ANKS1B: variants seen among roughly 807,000 people sequenced by gnomAD.
ANKS1B encodes ankyrin repeat and sterile alpha motif domain-containing protein 1B.
ANKS1B carries 36 observed loss-of-function variants against 148.3 expected under a neutral mutation model. The ratio of observed to expected loss-of-function variants is 0.24; its 90% CI spans 0.19 to 0.32. The LOEUF (loss-of-function observed/expected upper bound fraction) is 0.32, where lower values mean the gene tolerates loss of function less well. Among genes scored for constraint, ANKS1B ranks in the 10% least tolerant of loss-of-function variants. ANKS1B has a pLI of 1.00. For missense variants in ANKS1B, 1,157 were observed against 1,542.6 expected, an observed-to-expected ratio of 0.75 and a Z score of 4.19; for synonymous variants, 542 against 560.8, an observed-to-expected ratio of 0.97 and a Z score of 0.47.
At chr12:99,097,354 T>C (rs1385157697) in intron 15 of ANKS1B, 1 of 152,164 alleles carries the variant, frequency 6.6e-6, no homozygotes, top group Non-Finnish European at 1.5e-5. Context: ...GATTTGATTT[T>C]CATCCAGGAC....
intron 8 of ANKS1B, among the ~76,000 whole-genome samples, chr12:99,666,774 C>T (rs553094102): frequency 2.0e-4 from 31 of 151,856 alleles, no homozygotes; most frequent in African/African-American, 6.3e-4. Context: ...AGGTGTATGG[C>T]ATATTATTTT....
At chr12:98,894,597 G>A (rs1330900368) in intron 17 of ANKS1B, 3 of 985,068 alleles carry the variant, frequency 3.0e-6, no homozygotes, top group Admixed American at 6.1e-5. Flanking sequence ...AGCGGGGGCC[G>A]CGGAGCGAGG....
At chr12:99,115,595 C>G (rs1471253242) in intron 15 of ANKS1B, among the ~76,000 whole-genome samples, 1 of 150,272 alleles carries the variant, frequency 6.7e-6, no homozygotes, top group South Asian at 2.2e-4. Flanking sequence ...TGTAACAAAC[C>G]TGCATATGTA....
intron 9 of ANKS1B, among the ~76,000 whole-genome samples, chr12:99,543,110 T>C (rs923077198): frequency 1.3e-5 from 2 of 152,084 alleles, no homozygotes; most frequent in African/African-American, 4.8e-5. Flanking sequence ...TCAGACCATA[T>C]GAAGAACTCA....
chr12:98,963,866 G>A (rs374001526), intron 17 of ANKS1B, among the ~76,000 whole-genome samples: 9 of 152,072 alleles, frequency 5.9e-5, no homozygotes, highest in South Asian at 2.1e-4. Context: ...TTGGGAGGCC[G>A]AAGCAGGTGA....
At chr12:99,717,524 G>A (rs12304048) in intron 8 of ANKS1B, among the ~76,000 whole-genome samples, 100,671 of 151,830 alleles carry the variant, frequency 0.66, 33,450 homozygotes, top group Non-Finnish European at 0.69. Flanking sequence ...CTCCTAAGCC[G>A]CGTCCCATCT....
chr12:98,740,585 C>T (rs994980562), downstream of ANKS1B, among the ~76,000 whole-genome samples: 1 of 152,168 alleles, frequency 6.6e-6, no homozygotes, highest in Non-Finnish European at 1.5e-5. Flanking sequence ...TCAAGTGTCT[C>T]ACATGTGTGT....
intron 17 of ANKS1B, among the ~76,000 whole-genome samples, chr12:98,872,562 T>C (rs1225268518): frequency 6.6e-6 from 1 of 152,048 alleles, no homozygotes; most frequent in African/African-American, 2.4e-5. Flanking sequence ...AGAGAGCTAA[T>C]TAAGTTAACA....
rs1319728862 is a variant in ANKS1B at position 98,744,441 on chromosome 12, A to T, written c.*1298T>A. ...TATAATGAACTTCAAAATGATTCACAATATGATTGTTAGAACAATATACAT... is the reference window on the plus strand; with the variant it reads ...TATAATGAACTTCAAAATGATTCACTATATGATTGTTAGAACAATATACAT... On this transcript the variant is annotated 3_prime_UTR_variant, in exon 27 of 27. Coordinates refer to ENST00000683438, the MANE Select transcript of ANKS1B (RefSeq NM_001352186.2). 2.6e-6 allele frequency: 2 copies of T among 780,374 alleles called. No homozygotes were observed. The highest frequency in any genetic ancestry group is 2.5e-4 in the East Asian group (2 of 7,872). The allele number at this position is 780,374 out of a possible 1,614,324, so 48.3% of individuals were successfully genotyped here. A position where few individuals can be genotyped will look rare whatever the true frequency, so the allele number is the denominator to read the frequency against.
intron 1 of ANKS1B, among the ~76,000 whole-genome samples, chr12:99,947,721 A>C (rs2095105407): frequency 6.6e-6 from 1 of 152,168 alleles, no homozygotes; most frequent in East Asian, 1.9e-4. Flanking sequence ...TCAAGGTGTC[A>C]ACCAAACTGG....
chr12:99,481,324 T>C (rs1415883507), intron 10 of ANKS1B, among the ~76,000 whole-genome samples: 2 of 151,878 alleles, frequency 1.3e-5, no homozygotes, highest in South Asian at 2.1e-4. Context: ...TAATGGCCTC[T>C]AGCTTCATGC....
intron 8 of ANKS1B, among the ~76,000 whole-genome samples, chr12:99,659,019 A>G (rs1462817708): frequency 6.6e-6 from 1 of 152,214 alleles, no homozygotes; most frequent in Non-Finnish European, 1.5e-5. Context: ...TCATTTGACT[A>G]CCTAGAAAAT....
intron 12 of ANKS1B, among the ~76,000 whole-genome samples, chr12:99,363,526 T>G (rs564654702): frequency 1.3e-5 from 2 of 152,046 alleles, no homozygotes; most frequent in Non-Finnish European, 2.9e-5. Flanking sequence ...AGATGAAAAA[T>G]AGTCAGCATT....
At chr12:99,465,858 C>T (rs2096097240) in intron 10 of ANKS1B, among the ~76,000 whole-genome samples, 2 of 152,038 alleles carry the variant, frequency 1.3e-5, no homozygotes, top group South Asian at 4.2e-4. Context: ...ACTATAACAC[C>T]CCACTGTCAA....
rs374976085 is a variant in ANKS1B at position 99,975,777 on chromosome 12, G to A, written c.134+8327C>T. On this transcript the variant is annotated intron_variant, in intron 1 of 26. Coordinates refer to ENST00000683438, the MANE Select transcript of ANKS1B (RefSeq NM_001352186.2). ...CCCATTCTGTAGGTTGTCTGTCAGT[G>A]TGGAAGGTAGTACAGAGATTTCTCA... Among the ~76,000 whole-genome samples the A allele has an allele frequency of 6.6e-5, 10 of 152,288 alleles. No homozygotes were observed. In the South Asian group the frequency reaches 1.5e-3, roughly 22 times the overall value.
At chr12:99,484,783 T>TA (rs1185419391) in intron 10 of ANKS1B, among the ~76,000 whole-genome samples, 5 of 148,454 alleles carry the variant, frequency 3.4e-5, no homozygotes, top group Admixed American at 1.3e-4. Flanking sequence ...TTTTTTTTTT[T>TA]ACCATTGGTG....
chr12:99,755,811 C>A (rs2061518214), intron 8 of ANKS1B, among the ~76,000 whole-genome samples: 1 of 152,050 alleles, frequency 6.6e-6, no homozygotes, highest in South Asian at 2.1e-4. Context: ...AACATCCATT[C>A]ATGTTAAAAA....
chr12:99,709,023 T>C (rs1168747397), intron 8 of ANKS1B, among the ~76,000 whole-genome samples: 1 of 152,144 alleles, frequency 6.6e-6, no homozygotes, highest in Non-Finnish European at 1.5e-5. Flanking sequence ...AAACACTTTA[T>C]TAATTGTTCT....
chr12:99,615,603 T>TA (rs2153357583), intron 9 of ANKS1B, among the ~76,000 whole-genome samples: 1 of 152,254 alleles, frequency 6.6e-6, no homozygotes, highest in African/African-American at 2.4e-5. Flanking sequence ...CCCTTCATGC[T>TA]AAAAACTCCC....
Sources: gnomAD v4.1 joint callset for allele counts (sites outside exome capture counted in the v4.1 genomes callset) on GRCh38, gnomAD v4.1.1 for gene constraint, MANE v1.5 for transcripts, NCBI Gene and HGNC (gene_info 2026-07-23, HGNC 2026-07-21) for gene names.